The following STXBP5L variants were observed in gnomAD, a reference collection of about 807,000 sequenced individuals.
STXBP5L encodes the protein syntaxin-binding protein 5-like.
Under a neutral mutation model 144.5 loss-of-function variants are expected in STXBP5L, and 65 were observed. The ratio of observed to expected loss-of-function variants is 0.45; its 90% confidence interval spans 0.37 to 0.55. STXBP5L has a LOEUF of 0.55. Ranked by LOEUF, STXBP5L falls within the 20% of genes least tolerant of loss-of-function variation. STXBP5L has a pLI of 0.00. For synonymous variants in STXBP5L, 505 were observed against 469.6 expected, an observed-to-expected ratio of 1.08 and a Z score of -0.97; for missense variants, 1,298 against 1,405.5, an observed-to-expected ratio of 0.92 and a Z score of 1.22.
chr3:121,355,016 C>T (rs2045450877), intron 20 of STXBP5L, among the ~76,000 whole-genome samples: 1 of 152,108 alleles, frequency 6.6e-6, no homozygotes, highest in Non-Finnish European at 1.5e-5. Flanking sequence ...ATATTGGCTC[C>T]CACTCTCTTC....
At chr3:121,270,827 G>A (rs1412301535) in intron 18 of STXBP5L, among the ~76,000 whole-genome samples, 4 of 152,254 alleles carry the variant, frequency 2.6e-5, no homozygotes, top group Middle Eastern at 3.4e-3. Context: ...AGCTGAGTTT[G>A]TCTGATATTT....
chr3:121,016,686 G>T (rs1444161711), intron 3 of STXBP5L, among the ~76,000 whole-genome samples: 1 of 152,160 alleles, frequency 6.6e-6, no homozygotes. Flanking sequence ...GAGCAAAACA[G>T]AAGAACTATA....
intron 9 of STXBP5L, among the ~76,000 whole-genome samples, chr3:121,185,191 A>C (rs992049026): frequency 3.3e-5 from 5 of 152,192 alleles, no homozygotes; most frequent in African/African-American, 9.6e-5. Flanking sequence ...ACAATTGTAG[A>C]TATTAGCCCT....
At chr3:121,049,284 G>A (rs1231361096) in intron 5 of STXBP5L, among the ~76,000 whole-genome samples, 1 of 152,102 alleles carries the variant, frequency 6.6e-6, no homozygotes, top group African/African-American at 2.4e-5. Flanking sequence ...AAACATGGTG[G>A]CCTGCCTTTC....
At chr3:121,414,712 G>A (rs1347449156) in intron 24 of STXBP5L, among the ~76,000 whole-genome samples, 1 of 152,240 alleles carries the variant, frequency 6.6e-6, no homozygotes, top group African/African-American at 2.4e-5. Context: ...GTGTTGTGCT[G>A]GAGAATTAGT....
chr3:121,172,062 C>T (rs1446614856), intron 9 of STXBP5L, among the ~76,000 whole-genome samples: 5 of 152,096 alleles, frequency 3.3e-5, no homozygotes, highest in African/African-American at 7.2e-5. Context: ...TCTACAACCA[C>T]CTGCTCTTTG....
At chr3:121,339,239 T>C (rs116050167) in intron 20 of STXBP5L, among the ~76,000 whole-genome samples, 2,080 of 152,278 alleles carry the variant, frequency 0.014, 22 homozygotes, top group Middle Eastern at 0.024. Flanking sequence ...GTGGGTATTA[T>C]CCCAGGGATG....
chr3:121,192,629 G>T (rs1046504925), intron 9 of STXBP5L, among the ~76,000 whole-genome samples: 1 of 152,128 alleles, frequency 6.6e-6, no homozygotes, highest in African/African-American at 2.4e-5. Flanking sequence ...CAGAGAGATA[G>T]ACCAATGGAA....
chr3:121,218,211 T>C (rs1269831117), intron 10 of STXBP5L, among the ~76,000 whole-genome samples: 3 of 142,984 alleles, frequency 2.1e-5, no homozygotes, highest in African/African-American at 7.7e-5. Context: ...TACTATATAC[T>C]ATACATAGTA....
intron 19 of STXBP5L, among the ~76,000 whole-genome samples, chr3:121,283,815 G>A (rs970048235): frequency 6.6e-6 from 1 of 151,770 alleles, no homozygotes; most frequent in Non-Finnish European, 1.5e-5. Flanking sequence ...TAGTCTCAGG[G>A]TAGTTTAATA....
intron 3 of STXBP5L, among the ~76,000 whole-genome samples, chr3:120,964,336 T>C (rs1213524063): frequency 6.6e-6 from 1 of 152,220 alleles, no homozygotes; most frequent in African/African-American, 2.4e-5. Flanking sequence ...TGTTTGCTCT[T>C]GCTTCTCTAG....
intron 20 of STXBP5L, chr3:121,357,447 T>C (rs2045556975): frequency 6.5e-6 from 1 of 152,962 alleles, no homozygotes; most frequent in African/African-American, 2.4e-5. Flanking sequence ...ATGAAGAGTG[T>C]TTCTGCATAC....
intron 3 of STXBP5L, among the ~76,000 whole-genome samples, chr3:120,989,617 G>T (rs1942635373): frequency 6.6e-6 from 1 of 151,998 alleles, no homozygotes; most frequent in South Asian, 2.1e-4. Flanking sequence ...GGAGTAAATT[G>T]GGGACTATAA....
intron 11 of STXBP5L, among the ~76,000 whole-genome samples, chr3:121,223,462 T>C (rs1320357122): frequency 6.6e-6 from 1 of 152,066 alleles, no homozygotes; most frequent in African/African-American, 2.4e-5. Flanking sequence ...GAAGCTGAGG[T>C]CTCTTAATAG....
intron 3 of STXBP5L, among the ~76,000 whole-genome samples, chr3:120,998,504 G>T (rs577500914): frequency 6.6e-6 from 1 of 152,098 alleles, no homozygotes; most frequent in East Asian, 1.9e-4. Context: ...TCTACATTAG[G>T]TATTTCTCCT....
chr3:120,976,994 TGTG>T (rs1200279552), intron 3 of STXBP5L, among the ~76,000 whole-genome samples: 1 of 152,072 alleles, frequency 6.6e-6, no homozygotes, highest in Non-Finnish European at 1.5e-5. Context: ...ATAGGTGTGG[TGTG>T]GTGCTGAAAA....
At chr3:121,296,551 G>A (rs2051657466) in intron 19 of STXBP5L, among the ~76,000 whole-genome samples, 1 of 152,160 alleles carries the variant, frequency 6.6e-6, no homozygotes, top group Non-Finnish European at 1.5e-5. Flanking sequence ...TGGGGCTATG[G>A]AAGAGTGATA....
intron 2 of STXBP5L, among the ~76,000 whole-genome samples, 197 bp downstream of exon 2, chr3:120,909,964 T>A (rs1182923760): frequency 6.6e-6 from 1 of 152,074 alleles, no homozygotes; most frequent in Non-Finnish European, 1.5e-5. Flanking sequence ...ATAGTTTAAG[T>A]GGGAAATGAG....
intron 3 of STXBP5L, among the ~76,000 whole-genome samples, chr3:120,959,288 G>T (rs1158899547): frequency 1.3e-5 from 2 of 152,204 alleles, no homozygotes; most frequent in African/African-American, 2.4e-5. Context: ...CATGCTCATG[G>T]TTAGGAAGAA....
Sources: gnomAD v4.1 joint callset for allele counts (sites outside exome capture counted in the v4.1 genomes callset) on GRCh38, gnomAD v4.1.1 for gene constraint, MANE v1.5 for transcripts, NCBI Gene and HGNC (gene_info 2026-07-23, HGNC 2026-07-21) for gene names.